PTPRD: variants seen among roughly 807,000 people sequenced by gnomAD.
PTPRD encodes protein tyrosine phosphatase receptor type D.
A neutral mutation model predicts 214.5 loss-of-function variants in PTPRD; 34 were observed. The observed-to-expected ratio is 0.16, with a 90% CI of 0.12 to 0.21. The LOEUF (loss-of-function observed/expected upper bound fraction) is 0.21. Among genes scored for constraint, PTPRD ranks in the 10% least tolerant of loss-of-function variants. The pLI, the probability that PTPRD is intolerant of heterozygous loss-of-function variation, is 1.00. For synonymous variants in PTPRD, 1,128 were observed against 845.7 expected, an observed-to-expected ratio of 1.33 and a Z score of -5.79; for missense variants, 2,545 against 2,398.7, an observed-to-expected ratio of 1.06 and a Z score of -1.27.
chr9:9,245,007 A>T (rs1231500830), intron 9 of PTPRD, among the ~76,000 whole-genome samples: 4 of 152,212 alleles, frequency 2.6e-5, no homozygotes. Context: ...AAAAGAAGAC[A>T]TTTATGCAGC....
chr9:10,213,291 C>T (rs977465906), intron 3 of PTPRD, among the ~76,000 whole-genome samples: 10 of 152,032 alleles, frequency 6.6e-5, no homozygotes, highest in African/African-American at 2.2e-4. Context: ...ACAATCTACT[C>T]CTGAAATCCT....
At chr9:10,320,312 GA>G (rs1376659205) in intron 3 of PTPRD, among the ~76,000 whole-genome samples, 2 of 152,010 alleles carry the variant, frequency 1.3e-5, no homozygotes, top group Middle Eastern at 3.4e-3. Context: ...CAGCTGAGGG[GA>G]AAAAAAGCTG....
chr9:9,849,184 G>A (rs1469181277), intron 5 of PTPRD, among the ~76,000 whole-genome samples: 2 of 152,000 alleles, frequency 1.3e-5, no homozygotes, highest in African/African-American at 4.8e-5. Flanking sequence ...GGGGAAATTG[G>A]TTCCCTGGGC....
At chr9:8,563,053 AAAT>A (rs1412834075) in intron 14 of PTPRD, among the ~76,000 whole-genome samples, 1 of 152,208 alleles carries the variant, frequency 6.6e-6, no homozygotes, top group Non-Finnish European at 1.5e-5. Context: ...ATTTGGCAAT[AAAT>A]AATAATAAAC....
intron 2 of PTPRD, among the ~76,000 whole-genome samples, chr9:10,573,989 G>A (rs1158098126): frequency 2.6e-5 from 4 of 152,202 alleles, no homozygotes; most frequent in African/African-American, 9.6e-5. Flanking sequence ...CAGGATGGAA[G>A]TGGATAGGCA....
intron 6 of PTPRD, among the ~76,000 whole-genome samples, chr9:9,763,985 C>A (rs1258056566): frequency 6.6e-6 from 1 of 152,006 alleles, no homozygotes; most frequent in Non-Finnish European, 1.5e-5. Flanking sequence ...CTCCAAGAAG[C>A]CAGATTGATT....
chr9:9,508,440 A>G (rs934084456), intron 8 of PTPRD, among the ~76,000 whole-genome samples: 1 of 151,790 alleles, frequency 6.6e-6, no homozygotes, highest in Admixed American at 6.6e-5. Context: ...AATTAGATTT[A>G]TGTATATTTT....
chr9:9,320,652 G>A (rs1966027637), intron 9 of PTPRD, among the ~76,000 whole-genome samples: 1 of 152,006 alleles, frequency 6.6e-6, no homozygotes, highest in South Asian at 2.1e-4. Flanking sequence ...CCTTTCTAGT[G>A]ACCAATGAGT....
In PTPRD at chr9:9,145,575, G is replaced by A. The variant is rs539923692; in HGVS notation, c.-143+37729C>T. Among the ~76,000 whole-genome samples the A allele has an allele frequency of 1.6e-4, 25 of 151,732 alleles. No homozygotes were observed. In the East Asian group the frequency reaches 4.5e-3, roughly 27 times the overall value. On this transcript the variant is annotated intron_variant, in intron 10 of 45. Coordinates refer to ENST00000381196, the MANE Select transcript of PTPRD (RefSeq NM_002839.4). Reference sequence around the variant, plus strand: ...CATACCCCCTCCTCACCCCCAACCCGAATTTTAAAAAGCTGCTAGGCCAAT... The same window carrying A: ...CATACCCCCTCCTCACCCCCAACCCAAATTTTAAAAAGCTGCTAGGCCAAT...
intron 11 of PTPRD, among the ~76,000 whole-genome samples, chr9:8,863,370 A>G (rs769079543): frequency 6.6e-6 from 1 of 152,226 alleles, no homozygotes; most frequent in Non-Finnish European, 1.5e-5. Context: ...CCCAAGTGAA[A>G]CACTGGGTCA....
At chr9:8,786,004 ACAGG>A (rs1298911182) in intron 11 of PTPRD, among the ~76,000 whole-genome samples, 4 of 151,788 alleles carry the variant, frequency 2.6e-5, no homozygotes, top group African/African-American at 9.7e-5. Context: ...CAAACACCAG[ACAGG>A]CAGTCTGAGA....
chr9:9,100,384 G>C (rs1287249506), intron 10 of PTPRD, among the ~76,000 whole-genome samples: 1 of 152,128 alleles, frequency 6.6e-6, no homozygotes, highest in Non-Finnish European at 1.5e-5. Flanking sequence ...GAAGTGCTTT[G>C]AAAATGTATC....
At position 10,245,414 on chromosome 9, in the gene PTPRD, T is replaced by C. The variant is rs139725620; in HGVS notation, c.-545+95549A>G. Among the ~76,000 whole-genome samples, 340 of 152,304 alleles carry C rather than the reference T, an allele frequency of 2.2e-3. 2 individuals are homozygous for C. The highest frequency in any genetic ancestry group is 7.9e-3 in the African/African-American group (327 of 41,588). ...ATCTATGATTTCCAAAATAAAATTA[T>C]ACTAGTATTTTCAACAAAATGACTC... On this transcript the variant is annotated intron_variant, in intron 3 of 45. Transcript: ENST00000381196.
intron 5 of PTPRD, chr9:9,800,707 G>A (rs1284286976): frequency 6.6e-6 from 1 of 152,140 alleles, no homozygotes; most frequent in Non-Finnish European, 1.5e-5. Context: ...TTGACTGATT[G>A]AATGATATGT....
At chr9:10,549,348 G>A (rs2060815670) in intron 2 of PTPRD, among the ~76,000 whole-genome samples, 4 of 152,062 alleles carry the variant, frequency 2.6e-5, no homozygotes, top group Admixed American at 6.6e-5. Flanking sequence ...AGTTGATTCC[G>A]ATGAAGGATT....
intron 3 of PTPRD, among the ~76,000 whole-genome samples, chr9:10,325,645 G>A (rs1034721440): frequency 1.2e-4 from 18 of 151,872 alleles, no homozygotes; most frequent in Admixed American, 9.2e-4. Context: ...CATTAAAAAT[G>A]TTTAATTGTT....
At chr9:8,762,045 G>C (rs1262712458) in intron 11 of PTPRD, among the ~76,000 whole-genome samples, 1 of 152,144 alleles carries the variant, frequency 6.6e-6, no homozygotes, top group Non-Finnish European at 1.5e-5. Context: ...TAGGGAGATT[G>C]AGACTGAAGA....
At chr9:9,236,714 T>A (rs934346765) in intron 9 of PTPRD, among the ~76,000 whole-genome samples, 1 of 151,870 alleles carries the variant, frequency 6.6e-6, no homozygotes, top group Non-Finnish European at 1.5e-5. Context: ...ATTTGTCACA[T>A]TTTTAACACT....
intron 8 of PTPRD, among the ~76,000 whole-genome samples, chr9:9,465,656 C>G (rs1461028250): frequency 1.3e-5 from 2 of 152,084 alleles, no homozygotes; most frequent in South Asian, 4.1e-4. Flanking sequence ...TTGCCTTTTT[C>G]TATGCCCCAA....
Sources: gnomAD v4.1 joint callset for allele counts (sites outside exome capture counted in the v4.1 genomes callset) on GRCh38, gnomAD v4.1.1 for gene constraint, MANE v1.5 for transcripts, NCBI Gene and HGNC (gene_info 2026-07-23, HGNC 2026-07-21) for gene names.